The following AKT3 variants were observed in gnomAD, a reference collection of about 807,000 sequenced individuals.
The protein encoded by AKT3 is AKT serine/threonine kinase 3, also known as RAC-gamma serine/threonine-protein kinase.
A neutral mutation model predicts 65.3 loss-of-function variants in AKT3; 15 were observed. The observed-to-expected ratio is 0.23, with a 90% CI of 0.15 to 0.35. The LOEUF is 0.35. AKT3 is among the 10% of genes least tolerant of loss of function. AKT3 has a pLI of 1.00. For missense variants in AKT3, 243 were observed against 576.5 expected, an observed-to-expected ratio of 0.42 and a Z score of 5.92; for synonymous variants, 206 against 183.8, an observed-to-expected ratio of 1.12 and a Z score of -0.98.
chr1:243,670,059 C>T (rs1683061025), intron 3 of AKT3, among the ~76,000 whole-genome samples: 1 of 152,158 alleles, frequency 6.6e-6, no homozygotes, highest in African/African-American at 2.4e-5. Flanking sequence ...ATCATTCTAC[C>T]CATGTAATTA....
intron 2 of AKT3, among the ~76,000 whole-genome samples, chr1:243,839,293 T>C (rs1695087209): frequency 1.3e-5 from 2 of 152,162 alleles, no homozygotes; most frequent in Admixed American, 1.3e-4. Context: ...GAAATCCAAT[T>C]TAGAGATTTA....
intron 2 of AKT3, among the ~76,000 whole-genome samples, chr1:243,731,506 AG>A (rs1220012148): frequency 2.0e-5 from 3 of 152,198 alleles, no homozygotes; most frequent in African/African-American, 7.2e-5. Context: ...GCTTGAAACA[AG>A]GAAGTACATA....
At chr1:243,680,358 T>A (rs914863381) in intron 3 of AKT3, among the ~76,000 whole-genome samples, 7 of 152,098 alleles carry the variant, frequency 4.6e-5, no homozygotes, top group African/African-American at 1.7e-4. Context: ...TTCAGAAACA[T>A]TATTGTAATA....
At chr1:243,620,123 C>T (rs1478447588) in intron 6 of AKT3, among the ~76,000 whole-genome samples, 1 of 97,506 alleles carries the variant, frequency 1.0e-5, no homozygotes, top group African/African-American at 2.6e-5. Context: ...GGGCAGTGTC[C>T]CCCACGCTGT....
chr1:243,703,515 C>T (rs928233916), intron 2 of AKT3, among the ~76,000 whole-genome samples: 1 of 152,058 alleles, frequency 6.6e-6, no homozygotes, highest in African/African-American at 2.4e-5. Context: ...AATCCCAGCA[C>T]TTTGGGAGGC....
At chr1:243,731,968 T>C (rs1236406551) in intron 2 of AKT3, among the ~76,000 whole-genome samples, 1 of 152,246 alleles carries the variant, frequency 6.6e-6, no homozygotes, top group Non-Finnish European at 1.5e-5. Context: ...CCTTCACAAT[T>C]TGTGTCATAT....
intron 1 of AKT3, among the ~76,000 whole-genome samples, chr1:243,849,232 G>C (rs1695645856): frequency 6.6e-6 from 1 of 152,242 alleles, no homozygotes; most frequent in Admixed American, 6.5e-5. Context: ...TGCAGCCAGA[G>C]CTGCCGCCGC....
At chr1:243,767,298 A>G (rs1689890012) in intron 2 of AKT3, among the ~76,000 whole-genome samples, 1 of 152,158 alleles carries the variant, frequency 6.6e-6, no homozygotes, top group Admixed American at 6.5e-5. Context: ...TAAATGATAG[A>G]CACACCCAGA....
intron 12 of AKT3, among the ~76,000 whole-genome samples, chr1:243,518,358 G>A (rs1670499307): frequency 6.6e-6 from 1 of 152,300 alleles, no homozygotes; most frequent in South Asian, 2.1e-4. Context: ...AGTATGGCTG[G>A]GTGCAGTGGC....
At chr1:243,633,630 A>G (rs1159938611) in intron 6 of AKT3, among the ~76,000 whole-genome samples, 1 of 152,182 alleles carries the variant, frequency 6.6e-6, no homozygotes, top group Non-Finnish European at 1.5e-5. Flanking sequence ...AAATAGCTAT[A>G]GAATATACAC....
rs1669343111 is a variant in AKT3, at chr1:243,501,936, A to G, written c.*3313T>C. ...TCAGGAAATAGACAGGTTTAGTATG[A>G]CCAACAGTAATAGTAATACAGTTTC... On this transcript the variant is annotated 3_prime_UTR_variant, in exon 14 of 14. Transcript: ENST00000673466. The G allele has an allele frequency of 4.3e-6, 1 of 232,720 alleles. No individual in the cohort carries two copies. Among genetic ancestry groups the G allele is most frequent in the African/African-American group, 2.2e-5 (1 of 45,446 alleles). 14.4% of individuals were successfully genotyped at this position (232,720 alleles called of 1,614,324 possible).
intron 8 of AKT3, among the ~76,000 whole-genome samples, chr1:243,594,513 A>T (rs546003709): frequency 6.6e-6 from 1 of 152,338 alleles, no homozygotes; most frequent in African/African-American, 2.4e-5. Flanking sequence ...TACTGATGTA[A>T]AGAGAAACTC....
At chr1:243,834,959 C>A (rs1216726792) in intron 2 of AKT3, among the ~76,000 whole-genome samples, 2 of 151,990 alleles carry the variant, frequency 1.3e-5, no homozygotes, top group Non-Finnish European at 2.9e-5. Context: ...AACAACAGCA[C>A]AAGGCACTCT....
At chr1:243,814,091 CA>C (rs1261466373) in intron 2 of AKT3, among the ~76,000 whole-genome samples, 1 of 151,944 alleles carries the variant, frequency 6.6e-6, no homozygotes, top group Non-Finnish European at 1.5e-5. Context: ...GATCAGGTCA[CA>C]AAATAAAATT....
intron 6 of AKT3, among the ~76,000 whole-genome samples, chr1:243,617,579 T>C (rs935837476): frequency 2.6e-5 from 4 of 151,824 alleles, no homozygotes; most frequent in African/African-American, 9.7e-5. Flanking sequence ...TTCTGATAAG[T>C]GATATTAAGG....
At chr1:243,848,076 C>G (rs1174470955) in intron 1 of AKT3, among the ~76,000 whole-genome samples, 1 of 152,172 alleles carries the variant, frequency 6.6e-6, no homozygotes. Flanking sequence ...AAATACACAA[C>G]TGAAAACTAA....
chr1:243,731,015 G>C (rs894913620), intron 2 of AKT3, among the ~76,000 whole-genome samples: 1 of 152,214 alleles, frequency 6.6e-6, no homozygotes, highest in African/African-American at 2.4e-5. Context: ...GGCGAACTGA[G>C]TGCAGCCTGC....
In AKT3 at chr1:243,499,847, G is replaced by A; in HGVS notation, c.*5402C>T. ...GAGATATTTACATTCATCTGGTTTA[G>A]ACTTAATATGCCACAACGCACCACG... On this transcript the variant is annotated 3_prime_UTR_variant, in exon 14 of 14. Transcript: ENST00000673466. 6.6e-7 allele frequency: 1 copy of A among 1,511,920 alleles called. No homozygotes were observed. Among genetic ancestry groups the A allele is most frequent in the Non-Finnish European group, 9.2e-7 (1 of 1,092,334 alleles). 93.7% of individuals were successfully genotyped at this position (1,511,920 alleles called of 1,614,324 possible).
At chr1:243,617,452 A>T (rs1678415855) in intron 6 of AKT3, among the ~76,000 whole-genome samples, 1 of 152,158 alleles carries the variant, frequency 6.6e-6, no homozygotes, top group Admixed American at 6.6e-5. Context: ...ACTAATTGGT[A>T]AGAACAGTGC....
Sources: gnomAD v4.1 joint callset for allele counts (sites outside exome capture counted in the v4.1 genomes callset) on GRCh38, gnomAD v4.1.1 for gene constraint, MANE v1.5 for transcripts, NCBI Gene and HGNC (gene_info 2026-07-23, HGNC 2026-07-21) for gene names.